Variants in FOXP1 observed in about 807,000 individuals in gnomAD.
FOXP1 encodes the protein forkhead box protein P1.
In FOXP1, 15 loss-of-function variants were observed where a neutral mutation model predicts 98.2. The ratio of observed to expected loss-of-function variants is 0.15; its 90% CI spans 0.10 to 0.24. The LOEUF (loss-of-function observed/expected upper bound fraction) is 0.24. Among genes scored for constraint, FOXP1 ranks in the 10% least tolerant of loss-of-function variants. The pLI is 1.00. For missense variants in FOXP1, 633 were observed against 848.5 expected (o/e 0.75, Z 3.15); for synonymous variants, 371 against 314.5 (o/e 1.18, Z -1.90).
At chr3:71,429,019 C>T (rs9870064) in intron 3 of FOXP1, among the ~76,000 whole-genome samples, 88 of 152,310 alleles carry the variant, frequency 5.8e-4, no homozygotes, top group African/African-American at 2.0e-3. Flanking sequence ...AGACAGTAGT[C>T]GGCTGACATT....
chr3:70,961,259 C>T (rs757821233), intron 20 of FOXP1, among the ~76,000 whole-genome samples: 4 of 152,046 alleles, frequency 2.6e-5, no homozygotes, highest in Non-Finnish European at 4.4e-5. Context: ...GAGACATAGT[C>T]GTGCTCTGTC....
At chr3:71,084,387 T>C (rs1215941279) in intron 7 of FOXP1, among the ~76,000 whole-genome samples, 1 of 151,986 alleles carries the variant, frequency 6.6e-6, no homozygotes, top group Non-Finnish European at 1.5e-5. Context: ...AACTCTACAA[T>C]GATTCACTGA....
At chr3:71,355,270 T>C (rs1348909603) in intron 4 of FOXP1, among the ~76,000 whole-genome samples, 1 of 152,184 alleles carries the variant, frequency 6.6e-6, no homozygotes, top group African/African-American at 2.4e-5. Context: ...ATACCTACCA[T>C]ATGTTAGGCA....
intron 3 of FOXP1, among the ~76,000 whole-genome samples, chr3:71,377,828 T>C (rs893335835): frequency 6.6e-6 from 1 of 152,216 alleles, no homozygotes; most frequent in Non-Finnish European, 1.5e-5. Flanking sequence ...ATTGTTACCC[T>C]ATGAATGCTA....
intron 6 of FOXP1, among the ~76,000 whole-genome samples, chr3:71,187,771 A>G (rs186013034): frequency 2.7e-4 from 41 of 152,286 alleles, no homozygotes; most frequent in Non-Finnish European, 7.4e-5. Context: ...TTGAATTCCT[A>G]CTGAGTTGAA....
At chr3:71,070,764 A>G (rs1160712079) in intron 7 of FOXP1, among the ~76,000 whole-genome samples, 3 of 152,192 alleles carry the variant, frequency 2.0e-5, no homozygotes, top group Non-Finnish European at 4.4e-5. Context: ...GTCAGTGTCA[A>G]TGGGAAGCAC....
chr3:71,164,359 C>T (rs1377200417), intron 6 of FOXP1, among the ~76,000 whole-genome samples: 1 of 152,086 alleles, frequency 6.6e-6, no homozygotes, highest in Non-Finnish European at 1.5e-5. Context: ...GCCACCACGC[C>T]CGGAGAATTT....
chr3:71,009,436 C>T (rs1317879910), intron 12 of FOXP1, among the ~76,000 whole-genome samples: 6 of 151,962 alleles, frequency 3.9e-5, no homozygotes, highest in Non-Finnish European at 8.8e-5. Context: ...CACTGTATGG[C>T]CTGCAATGCT....
intron 11 of FOXP1, among the ~76,000 whole-genome samples, chr3:71,039,211 A>G (rs2048006066): frequency 6.6e-6 from 1 of 152,082 alleles, no homozygotes; most frequent in Middle Eastern, 3.2e-3. Context: ...CTGCTTTTAC[A>G]TCCAGATTAA....
At chr3:71,551,715 A>T (rs1420391744) in intron 2 of FOXP1, among the ~76,000 whole-genome samples, 1 of 152,222 alleles carries the variant, frequency 6.6e-6, no homozygotes, top group Non-Finnish European at 1.5e-5. Context: ...GATCATTGCC[A>T]CATAGGTGGG....
At chr3:71,313,351 G>A (rs2074839699) in intron 4 of FOXP1, among the ~76,000 whole-genome samples, 1 of 151,838 alleles carries the variant, frequency 6.6e-6, no homozygotes, top group Admixed American at 6.6e-5. Context: ...GAGCCACTGC[G>A]CCCGGCCAAG....
chr3:71,198,699 C>CT lies in FOXP1; in HGVS notation c.-11-308dup, dbSNP rs1002051239. On this transcript the variant is annotated intron_variant, in intron 5 of 20. Transcript: ENST00000649528. ...ATTCAAGATTAAATTTTTCTTTTTTCTTTTTTTTTTTGAGATGGAGCACGG... is the reference window on the plus strand; with the variant it reads ...ATTCAAGATTAAATTTTTCTTTTTTCTTTTTTTTTTTTGAGATGGAGCACGG... 3.5e-3 allele frequency among the ~76,000 whole-genome samples: 505 copies of CT among 146,284 alleles called. 2 individuals carry two copies. Among genetic ancestry groups the CT allele is most frequent in the African/African-American group, 9.2e-3 (370 of 40,156 alleles).
intron 2 of FOXP1, among the ~76,000 whole-genome samples, chr3:71,500,192 C>T (rs911731506): frequency 6.6e-6 from 1 of 152,218 alleles, no homozygotes; most frequent in African/African-American, 2.4e-5. Flanking sequence ...GGTATCTATG[C>T]TCAAAAACAA....
chr3:71,094,264 CT>C (rs965763204), intron 7 of FOXP1, among the ~76,000 whole-genome samples: 16 of 149,612 alleles, frequency 1.1e-4, no homozygotes, highest in South Asian at 8.4e-4. Flanking sequence ...ATATAATTCC[CT>C]TTTTTTTCTT....
chr3:71,302,002 T>A (rs1484704478), intron 4 of FOXP1, among the ~76,000 whole-genome samples: 1 of 152,192 alleles, frequency 6.6e-6, no homozygotes. Flanking sequence ...ACTGACTACA[T>A]TTAATTTTCA....
At chr3:71,488,170 C>A (rs940311005) in intron 3 of FOXP1, among the ~76,000 whole-genome samples, 1 of 152,124 alleles carries the variant, frequency 6.6e-6, no homozygotes, top group Non-Finnish European at 1.5e-5. Context: ...TCTATCTACA[C>A]TATATAAATT....
chr3:70,960,831 T>TA (rs1314963266), intron 20 of FOXP1, among the ~76,000 whole-genome samples: 8 of 149,132 alleles, frequency 5.4e-5, no homozygotes, highest in African/African-American at 2.0e-4. Context: ...ATGTTACCTT[T>TA]AAAAAAATAA....
intron 6 of FOXP1, among the ~76,000 whole-genome samples, chr3:71,113,371 GATAA>G (rs2058094333): frequency 1.3e-5 from 2 of 152,160 alleles, no homozygotes; most frequent in African/African-American, 4.8e-5. Context: ...ATGAATTGGA[GATAA>G]AGCAGGAAGA....
chr3:71,427,151 G>A (rs895524279), intron 3 of FOXP1, among the ~76,000 whole-genome samples: 4 of 148,816 alleles, frequency 2.7e-5, no homozygotes, highest in Admixed American at 2.0e-4. Context: ...TTTATTATTT[G>A]ACTCTTCCCT....
Sources: gnomAD v4.1 joint callset for allele counts (sites outside exome capture counted in the v4.1 genomes callset) on GRCh38, gnomAD v4.1.1 for gene constraint, MANE v1.5 for transcripts, NCBI Gene and HGNC (gene_info 2026-07-23, HGNC 2026-07-21) for gene names.